The following RGSL1 variants were observed in gnomAD, a reference collection of about 807,000 sequenced individuals.
RGSL1 encodes the protein regulator of G protein signaling like 1, also known as regulator of G protein signaling protein-like.
In RGSL1, 97 loss-of-function variants were observed where a neutral mutation model predicts 124.7. The ratio of observed to expected loss-of-function variants is 0.78; its 90% CI spans 0.66 to 0.92. RGSL1 has a LOEUF of 0.92. Ranked by LOEUF, RGSL1 falls within the 40% of genes least tolerant of loss-of-function variation. The pLI is 0.00. For synonymous variants in RGSL1, 424 were observed against 438.1 expected (o/e 0.97, Z 0.40); for missense variants, 1,233 against 1,288.4 (o/e 0.96, Z 0.66).
intron 4 of RGSL1, among the ~76,000 whole-genome samples, chr1:182,469,703 C>T (rs1234368584): frequency 1.3e-5 from 2 of 152,130 alleles, no homozygotes; most frequent in Admixed American, 1.3e-4. Context: ...TTTGTACATC[C>T]ATGTCCATAG....
chr1:182,519,131 C>T (rs1171630512), intron 9 of RGSL1, among the ~76,000 whole-genome samples: 2 of 151,950 alleles, frequency 1.3e-5, no homozygotes, highest in East Asian at 1.9e-4. Flanking sequence ...TGATGTAAAC[C>T]AGTATTCCTA....
intron 14 of RGSL1, among the ~76,000 whole-genome samples, chr1:182,535,210 A>G (rs1433252642): frequency 6.6e-6 from 1 of 152,214 alleles, no homozygotes; most frequent in East Asian, 1.9e-4. Flanking sequence ...CCCATCACAG[A>G]TGCAACCCCT....
intron 9 of RGSL1, among the ~76,000 whole-genome samples, chr1:182,496,432 C>T (rs972839416): frequency 3.3e-5 from 5 of 152,186 alleles, no homozygotes; most frequent in Non-Finnish European, 5.9e-5. Flanking sequence ...CATGGACAGG[C>T]TCTCTTACTT....
intron 9 of RGSL1, among the ~76,000 whole-genome samples, chr1:182,504,084 G>A (rs1430035258): frequency 6.7e-6 from 1 of 149,440 alleles, no homozygotes; most frequent in African/African-American, 2.5e-5. Flanking sequence ...GGGTTCAAGC[G>A]ATTCCCCTGC....
In RGSL1 at chr1:182,474,449, A is replaced by T; in HGVS notation, c.1338A>T (p.Pro446=). Reference sequence around the variant, plus strand: ...ATGAGCAGATTGGTCCGTGCTTACCACTCAAATCCCAAACCATTCAGGGCC... The same window carrying T: ...ATGAGCAGATTGGTCCGTGCTTACCTCTCAAATCCCAAACCATTCAGGGCC... The part of the protein sequence containing the change: ...YLNEQIGPCL[P]LKSQTIQGLK... The change falls in exon 6 of 22, where the codon CCA becomes CCT. Residue 446 remains proline, a synonymous_variant. Transcript: ENST00000294854. The T allele has an allele frequency of 6.4e-7, 1 of 1,551,914 alleles. No homozygotes were observed. The highest frequency in any genetic ancestry group is 2.0e-5 in the Admixed American group (1 of 51,000).
intron 15 of RGSL1, among the ~76,000 whole-genome samples, chr1:182,546,225 C>G (rs1294600245): frequency 6.6e-6 from 1 of 152,102 alleles, no homozygotes; most frequent in African/African-American, 2.4e-5. Context: ...AGCCAACTTG[C>G]TTCTATGCTA....
intron 1 of RGSL1, among the ~76,000 whole-genome samples, chr1:182,453,172 G>T (rs1368046935): frequency 6.6e-6 from 1 of 152,198 alleles, no homozygotes; most frequent in African/African-American, 2.4e-5. Flanking sequence ...CCTGAGAGAA[G>T]TAATAAGTAT....
chr1:182,476,535 T>C (rs937969990), intron 6 of RGSL1, among the ~76,000 whole-genome samples: 2 of 152,180 alleles, frequency 1.3e-5, no homozygotes, highest in African/African-American at 2.4e-5. Flanking sequence ...AATATTGCTA[T>C]TGTCTTCTAA....
At chr1:182,541,798 T>C (rs1659909024) in intron 15 of RGSL1, among the ~76,000 whole-genome samples, 1 of 152,200 alleles carries the variant, frequency 6.6e-6, no homozygotes, top group Admixed American at 6.5e-5. Context: ...TATCTCGTTG[T>C]GGTTTTGACT....
chr1:182,487,384 A>G (rs1224703062), intron 6 of RGSL1, among the ~76,000 whole-genome samples: 1 of 152,132 alleles, frequency 6.6e-6, no homozygotes, highest in Non-Finnish European at 1.5e-5. Flanking sequence ...CCACTTCCCC[A>G]TCCCTGGGCT....
chr1:182,495,122 G>A (rs1200925439), intron 9 of RGSL1, among the ~76,000 whole-genome samples: 1 of 152,156 alleles, frequency 6.6e-6, no homozygotes, highest in East Asian at 1.9e-4. Flanking sequence ...CTTTTATTAG[G>A]GATGTTACTA....
chr1:182,480,487 GCT>G (rs1190845173), intron 6 of RGSL1, among the ~76,000 whole-genome samples: 3 of 148,052 alleles, frequency 2.0e-5, no homozygotes, highest in African/African-American at 7.5e-5. Flanking sequence ...ACAGAGTCAC[GCT>G]CTGTCACCCA....
At chr1:182,479,135 T>A (rs532192969) in intron 6 of RGSL1, among the ~76,000 whole-genome samples, 2 of 152,176 alleles carry the variant, frequency 1.3e-5, no homozygotes, top group Admixed American at 1.3e-4. Context: ...TAAATAACAA[T>A]ACAAAAGCAT....
intron 9 of RGSL1, among the ~76,000 whole-genome samples, chr1:182,502,227 C>G (rs1356449411): frequency 6.6e-6 from 1 of 152,098 alleles, no homozygotes; most frequent in African/African-American, 2.4e-5. Flanking sequence ...GTAGATGCTT[C>G]TACTCCCTAT....
At chr1:182,515,748 T>C (rs577560858) in intron 9 of RGSL1, among the ~76,000 whole-genome samples, 1 of 152,294 alleles carries the variant, frequency 6.6e-6, no homozygotes, top group African/African-American at 2.4e-5. Context: ...CCGTGGTTTT[T>C]TCCCACCCGC....
At chr1:182,449,250 C>A (rs1415213674), upstream of RGSL1, 1 of 152,148 alleles carries the variant, frequency 6.6e-6, no homozygotes. Context: ...CTTTAAAATG[C>A]AGTATTTGGT....
chr1:182,473,446 G>T, intron 5 of RGSL1, 129 bp from the exon 6 acceptor site: 1 of 1,048,852 alleles, frequency 9.5e-7, no homozygotes. Flanking sequence ...TCATACTCCA[G>T]GATTATATGA....
intron 13 of RGSL1, 30 bp from the exon 14 acceptor site, chr1:182,532,632 A>C: frequency 6.5e-7 from 1 of 1,547,620 alleles, no homozygotes; most frequent in Non-Finnish European, 8.7e-7. Context: ...CATACTAATG[A>C]ACATGTTATA....
intron 9 of RGSL1, among the ~76,000 whole-genome samples, chr1:182,498,466 G>C (rs377166492): frequency 4.6e-5 from 7 of 152,176 alleles, no homozygotes; most frequent in East Asian, 1.9e-4. Context: ...ACTGCAATCA[G>C]ATCTTATTAG....
Sources: gnomAD v4.1 joint callset for allele counts (sites outside exome capture counted in the v4.1 genomes callset) on GRCh38, gnomAD v4.1.1 for gene constraint, MANE v1.5 for transcripts, NCBI Gene and HGNC (gene_info 2026-07-23, HGNC 2026-07-21) for gene names.